ATAD5: variants seen among roughly 807,000 people sequenced by gnomAD.
The protein encoded by ATAD5 is ATPase family AAA domain-containing protein 5.
In ATAD5, 58 loss-of-function variants were observed where a neutral mutation model predicts 176.9. That is an observed-to-expected ratio of 0.33 (90% CI 0.27 to 0.41). The LOEUF (loss-of-function observed/expected upper bound fraction) is 0.41, where lower values mean the gene tolerates loss of function less well. ATAD5 is among the 10% of genes least tolerant of loss of function. The pLI is 1.00. For missense variants in ATAD5, 1,789 were observed against 2,094.1 expected (o/e 0.85, Z 2.84); for synonymous variants, 640 against 712.6 (o/e 0.90, Z 1.62).
rs140072712 is a variant in ATAD5, at chr17:30,855,303, G to A, written c.2611G>A (p.Val871Ile). ...AGTGAGTACCAGTTTCCAGAGAGTCGTACATGTGCAACAAAAGGATGATGG... is the reference window on the plus strand; with the variant it reads ...AGTGAGTACCAGTTTCCAGAGAGTCATACATGTGCAACAAAAGGATGATGG... ...NAVSTSFQRV[V>I]HVQQKDDGCC... The change falls in exon 7 of 23, where the codon GTA (valine) becomes ATA (isoleucine). Residue 871 changes from valine to isoleucine, a missense_variant. By Grantham distance (29) the Val-to-Ile change is conservative. Transcript: ENST00000321990. 3.1e-6 allele frequency: 5 copies of A among 1,592,702 alleles called. No homozygotes were observed. The highest frequency in any genetic ancestry group is 2.7e-5 in the African/African-American group (2 of 73,932).
At chr17:30,872,560 T>C (rs1310150272) in intron 14 of ATAD5, among the ~76,000 whole-genome samples, 2 of 135,094 alleles carry the variant, frequency 1.5e-5, no homozygotes, top group African/African-American at 5.2e-5. Context: ...TTTTCTTTTT[T>C]TTTTTCTTTT....
intron 6 of ATAD5, among the ~76,000 whole-genome samples, chr17:30,854,241 TATAG>T: frequency 6.8e-6 from 1 of 147,332 alleles, no homozygotes; most frequent in South Asian, 2.1e-4. Context: ...AATTATATTT[TATAG>T]ATAAAGCTAA....
intron 20 of ATAD5, 67 bp from the exon 21 acceptor site, chr17:30,893,227 A>T (rs1360440017): frequency 6.8e-7 from 1 of 1,477,382 alleles, no homozygotes; most frequent in Middle Eastern, 2.3e-4. Flanking sequence ...CACTATATTC[A>T]TACAGGTAGA....
chr17:30,836,099 C>T, intron 2 of ATAD5, 51 bp downstream of exon 2: 1 of 1,424,810 alleles, frequency 7.0e-7, no homozygotes, highest in Non-Finnish European at 9.4e-7. Flanking sequence ...GTATTATTAG[C>T]TGGGGACAAA....
chr17:30,873,504 G>A (rs1289645517), intron 14 of ATAD5, among the ~76,000 whole-genome samples: 4 of 151,726 alleles, frequency 2.6e-5, no homozygotes, highest in Non-Finnish European at 2.9e-5. Context: ...TTTTAGTAGA[G>A]ACACGGTTTC....
chr17:30,860,473 A>G lies in ATAD5; in HGVS notation c.2997A>G (p.Lys999=). Residue 999 remains lysine (K), a synonymous_variant, in exon 10 of 23, where the codon AAA becomes AAG. Transcript: ENST00000321990. ...TCAGCCATAAAGAAACCAAAAGGAA[A>G]CTCGTAGAAGCAGAAAATTCTAAGT... is the stretch of plus-strand genomic sequence containing the variant. ...ADVSHKETKR[K]LVEAENSKSK... The G allele has an allele frequency of 1.3e-6, 2 of 1,595,960 alleles. No homozygotes were observed. The highest frequency in any genetic ancestry group is 1.7e-6 in the Non-Finnish European group (2 of 1,176,198).
intron 18 of ATAD5, among the ~76,000 whole-genome samples, chr17:30,882,438 A>C (rs1314713527): frequency 2.0e-5 from 3 of 151,636 alleles, no homozygotes; most frequent in African/African-American, 7.3e-5. Flanking sequence ...AAAAGAAAAA[A>C]AATTAACTGG....
At position 30,840,766 on chromosome 17, in the gene ATAD5, A is replaced by G. The variant is rs751328276; in HGVS notation, c.2226A>G (p.Lys742=). 1 of 1,599,398 alleles carries G rather than the reference A, an allele frequency of 6.3e-7. No homozygotes were observed. Among genetic ancestry groups the G allele is most frequent in the Non-Finnish European group, 8.5e-7 (1 of 1,175,982 alleles). The change falls in exon 4 of 23, where the codon AAA becomes AAG. Residue 742 remains lysine (K), a synonymous_variant. Coordinates refer to ENST00000321990, the MANE Select transcript of ATAD5 (RefSeq NM_024857.5). ...SRHQTLPERK[K]LSETEDSVII... ...ATCAGACACTTCCTGAAAGGAAGAA[A>G]TTGTCAGAAACAGAAGTAAGTATTA...
chr17:30,835,670 G>A lies in ATAD5; in HGVS notation c.1589G>A (p.Ser530Asn). 6.2e-7 allele frequency: 1 copy of A among 1,605,510 alleles called. No individual in the cohort carries two copies. ...CAAAGGAAAACAGAGTTTTTCAAAA[G>A]CAGCACTTTATTTAACAATGAAAGT... ...LRQRKTEFFK[S>N]STLFNNESLV... The change falls in exon 2 of 23, where the codon AGC becomes AAC. Residue 530 changes from serine to asparagine, a missense_variant. Physicochemically the swap from Ser to Asn is conservative, Grantham distance 46. Around this residue, in one of 6 missense-constraint regions of ATAD5, gnomAD observed 696 missense variants for 712.5 expected, o/e 0.98. Transcript: ENST00000321990.
At chr17:30,879,564 A>ATT in intron 18 of ATAD5, 77 bp downstream of exon 18, 1 of 1,296,122 alleles carries the variant, frequency 7.7e-7, no homozygotes, top group Admixed American at 2.5e-5. Flanking sequence ...ATACAGCTAT[A>ATT]ATTTTTTTTT....
At position 30,835,586 on chromosome 17, in the gene ATAD5, A is replaced by G; in HGVS notation, c.1505A>G (p.Lys502Arg). The G allele has an allele frequency of 6.2e-7, 1 of 1,612,182 alleles. No homozygotes were observed. Among genetic ancestry groups the G allele is most frequent in the Non-Finnish European group, 8.5e-7 (1 of 1,178,844 alleles). The change falls in exon 2 of 23, where the codon AAG becomes AGG. Residue 502 changes from lysine to arginine, a missense_variant. Physicochemically the swap from Lys to Arg is conservative, Grantham distance 26. Coordinates refer to ENST00000321990, the MANE Select transcript of ATAD5 (RefSeq NM_024857.5). ...AAAAACAGAGAGGGAAACACTCAAA[A>G]GAAAGAAACAACCTTTTTCTTAAAA... ...PGKNREGNTQ[K>R]KETTFFLKEK...
At chr17:30,878,718 G>GTGTTTTTTTTT (rs1908813405) in intron 17 of ATAD5, among the ~76,000 whole-genome samples, 1 of 56,838 alleles carries the variant, frequency 1.8e-5, no homozygotes, top group African/African-American at 6.6e-5. Flanking sequence ...GTTAGGTGGT[G>GTGTTTTTTTTT]TTTTTTTTTT....
intron 7 of ATAD5, 50 bp from the exon 8 acceptor site, chr17:30,856,905 G>C: frequency 6.9e-7 from 1 of 1,445,972 alleles, no homozygotes; most frequent in Non-Finnish European, 9.2e-7. Context: ...TTCAGTAAAT[G>C]GATAGTGTAT....
intron 6 of ATAD5, among the ~76,000 whole-genome samples, chr17:30,850,544 G>A (rs1906815232): frequency 6.6e-6 from 1 of 151,456 alleles, no homozygotes; most frequent in Non-Finnish European, 1.5e-5. Context: ...TTTTGGTAGA[G>A]ACAAGTTGTT....
Position 30,857,037 on chromosome 17 carries a change from C to T in ATAD5, c.2718C>T (p.Leu906=), listed in dbSNP as rs780031288. Residue 906 remains leucine (L), a synonymous_variant, in exon 8 of 23, where the codon CTC becomes CTT. Transcript: ENST00000321990. ...AACTGAACACTAAAGTAATAGATCT[C>T]TCAAAATGTGGTATTGCTCTTGGTG... ...FKELNTKVID[L]SKCGIALGEF... 15 of 1,610,312 alleles carry T rather than the reference C, an allele frequency of 9.3e-6. No individual in the cohort carries two copies. The highest frequency in any genetic ancestry group is 1.3e-5 in the African/African-American group (1 of 74,722).
chr17:30,878,266 T>C (rs568727419), intron 17 of ATAD5, among the ~76,000 whole-genome samples, 170 bp downstream of exon 17: 2 of 152,248 alleles, frequency 1.3e-5, no homozygotes, highest in East Asian at 3.9e-4. Context: ...GAACAATCTC[T>C]AGAATGCAAA....
At chr17:30,860,682 TAGA>T in intron 10 of ATAD5, 70 bp downstream of exon 10, 1 of 1,271,052 alleles carries the variant, frequency 7.9e-7, no homozygotes, top group Non-Finnish European at 1.1e-6. Flanking sequence ...ACCAAAGCAG[TAGA>T]AGATTTTGAT....
intron 10 of ATAD5, among the ~76,000 whole-genome samples, chr17:30,865,323 C>T (rs531423052): frequency 1.3e-5 from 2 of 152,182 alleles, no homozygotes; most frequent in East Asian, 3.9e-4. Flanking sequence ...CAGGCCCCCG[C>T]CACCACGCCC....
rs1433462687 is a variant in ATAD5 at position 30,860,438 on chromosome 17, G to A, written c.2962G>A (p.Glu988Lys). The change falls in exon 10 of 23, where the codon GAG becomes AAG. Residue 988 changes from glutamate to lysine, a missense_variant. Coordinates refer to ENST00000321990, the MANE Select transcript of ATAD5 (RefSeq NM_024857.5). ...TTCTTTAATTCCCAAAGCAGAACTGGAGGCTGATGTCAGCCATAAAGAAAC... is the reference window on the plus strand; with the variant it reads ...TTCTTTAATTCCCAAAGCAGAACTGAAGGCTGATGTCAGCCATAAAGAAAC... ...SSECHSKQELEADVSHKETKR... is the reference protein window; with the variant it reads ...SSECHSKQELKADVSHKETKR... 6.3e-7 allele frequency: 1 copy of A among 1,587,388 alleles called. No homozygotes were observed. Among genetic ancestry groups the A allele is most frequent in the Non-Finnish European group, 8.5e-7 (1 of 1,173,896 alleles).
Sources: allele counts gnomAD v4.1 joint callset (sites outside exome capture counted in the v4.1 genomes callset), GRCh38; gene constraint gnomAD v4.1.1; regional missense constraint gnomAD v4.1.1; transcripts MANE v1.5; gene names NCBI Gene and HGNC (gene_info 2026-07-23, HGNC 2026-07-21).